BAG3: variants seen among roughly 807,000 people sequenced by gnomAD.
BAG3 encodes the protein BAG cochaperone 3.
BAG3 carries 14 observed loss-of-function variants against 40.5 expected under a neutral mutation model. That is an observed-to-expected ratio of 0.35 (90% confidence interval 0.23 to 0.54). The LOEUF is 0.54. Ranked by LOEUF, BAG3 falls within the 20% of genes least tolerant of loss-of-function variation. The probability of loss-of-function intolerance (pLI) is 0.91; values close to 1 mark genes in which losing one functional copy is unlikely to be tolerated. For missense variants in BAG3, 788 were observed against 758.6 expected (o/e 1.04, Z -0.46); for synonymous variants, 302 against 307.8 (o/e 0.98, Z 0.20).
chr10:119,656,503 C>T (rs196339), intron 1 of BAG3: 13,527 of 151,806 alleles, frequency 0.089, 681 homozygotes, highest in South Asian at 0.13. Flanking sequence ...GCCTCAGCCT[C>T]CCAAGTAGCT....
Position 119,672,919 on chromosome 10 carries a change from C to T in BAG3, c.909+263C>T, listed in dbSNP as rs528878924. Among the ~76,000 whole-genome samples the T allele has an allele frequency of 2.6e-5, 4 of 152,250 alleles. No homozygotes were observed. Among genetic ancestry groups the T allele is most frequent in the Non-Finnish European group, 4.4e-5 (3 of 68,008 alleles). ...ACTTAGAGCAGACGAAACAGCTTGG[C>T]AGAACTTACATACCTGGGACCAGCT... On this transcript the variant is annotated intron_variant, in intron 3 of 3. Coordinates refer to ENST00000369085, the MANE Select transcript of BAG3 (RefSeq NM_004281.4). This position sits in a 1 kb window ranked among gnomAD's most constrained non-coding sequence, Gnocchi z 4.8.
intron 1 of BAG3, among the ~76,000 whole-genome samples, chr10:119,654,795 C>A (rs1431677992): frequency 6.6e-6 from 1 of 152,224 alleles, no homozygotes; most frequent in African/African-American, 2.4e-5. Flanking sequence ...TAAACAGAGG[C>A]CGGATGTTCT....
At chr10:119,660,734 C>T (rs1846981404) in intron 1 of BAG3, among the ~76,000 whole-genome samples, 3 of 151,932 alleles carry the variant, frequency 2.0e-5, no homozygotes, top group East Asian at 1.9e-4. Context: ...GCTTTGTAAA[C>T]GGTAAGCCCA....
chr10:119,669,769 C>G, intron 1 of BAG3, 82 bp from the exon 2 acceptor site: 1 of 1,398,062 alleles, frequency 7.2e-7, no homozygotes, highest in Non-Finnish European at 1.0e-6. Context: ...ATCACAATGC[C>G]AAGCGCCACA....
At chr10:119,665,136 A>T (rs112033213) in intron 1 of BAG3, among the ~76,000 whole-genome samples, 12,115 of 72,582 alleles carry the variant, frequency 0.17, 1,385 homozygotes, top group East Asian at 0.26. Context: ...GTATATATAT[A>T]TATATATATT....
intron 1 of BAG3, among the ~76,000 whole-genome samples, chr10:119,653,140 C>T (rs1454349341): frequency 6.6e-6 from 1 of 152,140 alleles, no homozygotes. Flanking sequence ...GATAAAACTC[C>T]GGTGCCCAGC....
At position 119,651,416 on chromosome 10, in the gene BAG3, T is replaced by C. The variant is rs1013284348; in HGVS notation, c.-260T>C. The C allele has an allele frequency of 5.3e-6, 2 of 377,372 alleles. No individual in the cohort carries two copies. The highest frequency in any genetic ancestry group is 9.6e-5 in the Admixed American group (2 of 20,734). The allele number at this position is 377,372 out of a possible 1,614,324, so 23.4% of individuals were successfully genotyped here. The stretch of plus-strand genomic sequence containing the variant: ...CGGGCCGCGGCCAACTTCTCTGGAC[T>C]GGACCAGAAGTTTCTAGCCGGCCAG... On this transcript the variant is annotated 5_prime_UTR_variant, in exon 1 of 4. Transcript: ENST00000369085.
At position 119,676,695 on chromosome 10, in the gene BAG3, T is replaced by C. The variant is rs763427403; in HGVS notation, c.1141T>C (p.Ser381Pro). Residue 381 changes from serine to proline, a missense_variant, in exon 4 of 4, where the codon TCT (serine) becomes CCT (proline). Ser to Pro is a moderately conservative substitution (Grantham distance 74). Transcript: ENST00000369085. ...VPCPPPSPGPSAVPSSPKSVA... is the reference protein window; with the variant it reads ...VPCPPPSPGPPAVPSSPKSVA... Reference sequence around the variant, plus strand: ...TTGTCCTCCTCCCAGCCCTGGCCCTTCTGCTGTCCCCTCTTCCCCCAAGAG... The same window carrying C: ...TTGTCCTCCTCCCAGCCCTGGCCCTCCTGCTGTCCCCTCTTCCCCCAAGAG... The C allele has an allele frequency of 1.9e-6, 3 of 1,614,132 alleles. No homozygotes were observed. Among genetic ancestry groups the C allele is most frequent in the Non-Finnish European group, 2.5e-6 (3 of 1,180,020 alleles).
intron 1 of BAG3, among the ~76,000 whole-genome samples, chr10:119,664,740 C>T (rs1847035794): frequency 6.6e-6 from 1 of 152,200 alleles, no homozygotes; most frequent in Non-Finnish European, 1.5e-5. Flanking sequence ...TGTGCTTGAA[C>T]TTGAAAACAC....
chr10:119,652,503 A>G (rs1846857254), intron 1 of BAG3, among the ~76,000 whole-genome samples: 1 of 152,212 alleles, frequency 6.6e-6, no homozygotes, highest in Non-Finnish European at 1.5e-5. Context: ...AAGTGCTTTC[A>G]ATATGAACGT....
intron 3 of BAG3, among the ~76,000 whole-genome samples, chr10:119,675,395 GAGGTT>G (rs748842623): frequency 3.2e-4 from 48 of 152,316 alleles, no homozygotes; most frequent in Non-Finnish European, 7.3e-5. Context: ...TGTGCAGCCA[GAGGTT>G]AGCACAGAGG....
chr10:119,677,181 G>A lies in BAG3; in HGVS notation c.1627G>A (p.Glu543Lys). 1 of 1,614,160 alleles carries A rather than the reference G, an allele frequency of 6.2e-7. No homozygotes were observed. Among genetic ancestry groups the A allele is most frequent in the South Asian group, 1.1e-5 (1 of 91,084 alleles). The change falls in exon 4 of 4, where the codon GAA (glutamate) becomes AAA (lysine). Residue 543 changes from glutamate (E) to lysine (K), a missense_variant. Transcript: ENST00000369085. The part of the protein sequence containing the change: ...DKGKKNAGNA[E>K]DPHTETQQPE... ...GGGCAAGAAAAATGCTGGAAATGCA[G>A]AAGATCCCCACACAGAAACCCAGCA...
chr10:119,668,917 G>C (rs1042510776), intron 1 of BAG3, among the ~76,000 whole-genome samples: 1 of 152,218 alleles, frequency 6.6e-6, no homozygotes, highest in African/African-American at 2.4e-5. Context: ...CAACACGGGC[G>C]ATTGGGAATT....
intron 1 of BAG3, chr10:119,657,717 C>T (rs1470651469): frequency 2.4e-6 from 1 of 414,386 alleles, no homozygotes; most frequent in Non-Finnish European, 5.0e-6. Context: ...TAAGTTCATC[C>T]TTACAGGTCT....
intron 1 of BAG3, among the ~76,000 whole-genome samples, chr10:119,653,931 T>C (rs781441629): frequency 8.5e-5 from 13 of 152,212 alleles, no homozygotes; most frequent in Non-Finnish European, 1.9e-4. Flanking sequence ...AGTTATTGGG[T>C]CACTGACCTC....
chr10:119,658,942 C>G (rs893329682), intron 1 of BAG3, among the ~76,000 whole-genome samples: 3 of 152,156 alleles, frequency 2.0e-5, no homozygotes, highest in East Asian at 3.8e-4. Flanking sequence ...GGTGTGTGGC[C>G]TCTCCACACA....
At position 119,677,303 on chromosome 10, in the gene BAG3, G is replaced by T; in HGVS notation, c.*21G>T. 16 of 1,613,220 alleles carry T rather than the reference G, an allele frequency of 9.9e-6. No homozygotes were observed. Among genetic ancestry groups the T allele is most frequent in the Non-Finnish European group, 1.3e-5 (15 of 1,179,884 alleles). ...CGTAGCCTCTGCCCTGTAAAAATCA[G>T]ACTCGGAACCGATGTGTGCTTTAGG... is the stretch of plus-strand genomic sequence containing the variant. On this transcript the variant is annotated 3_prime_UTR_variant, in exon 4 of 4. Transcript: ENST00000369085.
At position 119,676,814 on chromosome 10, in the gene BAG3, A is replaced by G. The variant is rs781193139; in HGVS notation, c.1260A>G (p.Pro420=). 3.1e-6 allele frequency: 5 copies of G among 1,614,164 alleles called. No individual in the cohort carries two copies. The highest frequency in any genetic ancestry group is 1.1e-5 in the South Asian group (1 of 91,082). The part of the protein sequence containing the change: ...PGEAEAPPKH[P]GVLKVEAILE... ...AAGCCGAGGCTCCCCCAAAACATCC[A>G]GGAGTGCTGAAAGTGGAAGCCATCC... The change falls in exon 4 of 4, where the codon CCA becomes CCG. Residue 420 remains proline, a synonymous_variant. Coordinates refer to ENST00000369085, the MANE Select transcript of BAG3 (RefSeq NM_004281.4).
intron 1 of BAG3, among the ~76,000 whole-genome samples, chr10:119,656,920 T>C (rs1846921382): frequency 6.6e-6 from 1 of 152,180 alleles, no homozygotes; most frequent in African/African-American, 2.4e-5. Context: ...AGAGGCAGTG[T>C]GCCTGGCCTG....
Sources: allele counts gnomAD v4.1 joint callset (sites outside exome capture counted in the v4.1 genomes callset), GRCh38; gene constraint gnomAD v4.1.1; non-coding constraint Gnocchi (gnomAD v3.1); transcripts MANE v1.5; gene names NCBI Gene and HGNC (gene_info 2026-07-23, HGNC 2026-07-21).